LARP1: variants seen among roughly 807,000 people sequenced by gnomAD.
LARP1 encodes La ribonucleoprotein 1, translational regulator.
In LARP1, 36 loss-of-function variants were observed where a neutral mutation model predicts 122.7. The observed-to-expected ratio is 0.29, with a 90% CI of 0.22 to 0.39. LARP1 has a LOEUF of 0.39. Ranked by LOEUF, LARP1 falls within the 10% of genes least tolerant of loss-of-function variation. The pLI is 1.00. For synonymous variants in LARP1, 539 were observed against 528.7 expected (o/e 1.02, Z -0.27); for missense variants, 1,040 against 1,403.6 (o/e 0.74, Z 4.14).
At chr5:154,786,109 C>A (rs907773755) in intron 1 of LARP1, among the ~76,000 whole-genome samples, 1 of 152,098 alleles carries the variant, frequency 6.6e-6, no homozygotes, top group African/African-American at 2.4e-5. Context: ...GTGGCGCGAT[C>A]TCAGCTCACT....
At chr5:154,733,168 C>T (rs1055863508) in intron 1 of LARP1, among the ~76,000 whole-genome samples, 1 of 152,088 alleles carries the variant, frequency 6.6e-6, no homozygotes, top group African/African-American at 2.4e-5. Flanking sequence ...CTATAGCCAC[C>T]AGGAGAGTGG....
intron 1 of LARP1, among the ~76,000 whole-genome samples, chr5:154,778,839 A>G (rs1171517144): frequency 6.6e-6 from 1 of 152,244 alleles, no homozygotes; most frequent in African/African-American, 2.4e-5. Flanking sequence ...CAGTTCTAAC[A>G]AACTAAAAAT....
intron 1 of LARP1, among the ~76,000 whole-genome samples, chr5:154,716,131 T>G (rs943262771): frequency 2.0e-5 from 3 of 152,176 alleles, no homozygotes; most frequent in Non-Finnish European, 4.4e-5. Flanking sequence ...ATTTTTTGTT[T>G]CTTTTTGAGA....
chr5:154,800,720 T>G (rs2113826879), intron 10 of LARP1, among the ~76,000 whole-genome samples: 1 of 152,360 alleles, frequency 6.6e-6, no homozygotes, highest in Admixed American at 6.5e-5. Context: ...ACCTGCTCAC[T>G]GTCACCCACT....
intron 1 of LARP1, among the ~76,000 whole-genome samples, chr5:154,781,389 G>A (rs1756420224): frequency 6.6e-6 from 1 of 152,148 alleles, no homozygotes; most frequent in Non-Finnish European, 1.5e-5. Context: ...TCAGGAGATC[G>A]AGACCATCCT....
chr5:154,722,719 C>T (rs1025645056), intron 1 of LARP1, among the ~76,000 whole-genome samples: 7 of 138,580 alleles, frequency 5.1e-5, no homozygotes, highest in Non-Finnish European at 9.1e-5. Context: ...CTCACTCTAT[C>T]GCCCAGGCTG....
At chr5:154,748,665 T>G (rs970080482) in intron 1 of LARP1, among the ~76,000 whole-genome samples, 4 of 152,254 alleles carry the variant, frequency 2.6e-5, no homozygotes, top group Non-Finnish European at 5.9e-5. Flanking sequence ...TAGCATATAC[T>G]CTGCTATACA....
intron 1 of LARP1, among the ~76,000 whole-genome samples, chr5:154,764,115 C>T (rs973413705): frequency 6.6e-6 from 1 of 152,040 alleles, no homozygotes; most frequent in South Asian, 2.1e-4. Flanking sequence ...TCAAGACCAG[C>T]CTGGCCAACA....
At chr5:154,772,035 AAAAC>A (rs1755475771) in intron 1 of LARP1, among the ~76,000 whole-genome samples, 2 of 152,250 alleles carry the variant, frequency 1.3e-5, no homozygotes, top group Non-Finnish European at 2.9e-5. Context: ...AGCAAAAAGA[AAAAC>A]AACCCCTTGG....
chr5:154,736,420 G>A (rs927484962), intron 1 of LARP1, among the ~76,000 whole-genome samples: 1 of 151,370 alleles, frequency 6.6e-6, no homozygotes, highest in African/African-American at 2.4e-5. Context: ...TTGTAGAAAT[G>A]GGGTCTCACT....
Position 154,808,586 on chromosome 5 carries a change from C to T in LARP1, c.2826C>T (p.Asp942=), listed in dbSNP as rs759385864. 40 of 1,612,826 alleles carry T rather than the reference C, an allele frequency of 2.5e-5. No individual in the cohort carries two copies. The highest frequency in any genetic ancestry group is 1.7e-4 in the Middle Eastern group (1 of 5,908). Residue 942 remains aspartate (D), a synonymous_variant, in exon 16 of 19, where the codon GAC becomes GAT. Coordinates refer to ENST00000518297, the MANE Select transcript of LARP1 (RefSeq NM_033551.3). The part of the protein sequence containing the change: ...YEEFKQLALE[D]AKEGYRYGLE... ...AGTTCAAGCAGCTGGCTCTGGAGGA[C>T]GCCAAAGAAGGCTACAGGTGAGCAG...
chr5:154,706,705 CTAAAA>C (rs1754968069), intron 1 of LARP1, among the ~76,000 whole-genome samples: 1 of 150,364 alleles, frequency 6.7e-6, no homozygotes, highest in Non-Finnish European at 1.5e-5. Context: ...TCCCCTGAAC[CTAAAA>C]TAAAAGTTGG....
intron 1 of LARP1, among the ~76,000 whole-genome samples, chr5:154,775,025 A>C (rs1481873347): frequency 6.6e-6 from 1 of 152,162 alleles, no homozygotes; most frequent in Non-Finnish European, 1.5e-5. Context: ...GAAGAGGACT[A>C]GGGCTGGATA....
chr5:154,785,245 C>T (rs547639406), intron 1 of LARP1, among the ~76,000 whole-genome samples: 3 of 152,334 alleles, frequency 2.0e-5, no homozygotes, highest in South Asian at 2.1e-4. Context: ...CATGGATTAC[C>T]GCTCAGAAGA....
In LARP1 at chr5:154,805,822, C is replaced by T. The variant is rs1189549831; in HGVS notation, c.2547-59C>T. On this transcript the variant is annotated intron_variant, in intron 14 of 18. Coordinates refer to ENST00000518297, the MANE Select transcript of LARP1 (RefSeq NM_033551.3). ...ACAGAACGGATCAGAGGGACCCCTCCTGACATGGTGGGGCTGCTGTGGGGA... is the reference window on the plus strand; with the variant it reads ...ACAGAACGGATCAGAGGGACCCCTCTTGACATGGTGGGGCTGCTGTGGGGA... The T allele has an allele frequency of 5.7e-6, 9 of 1,575,964 alleles. No homozygotes were observed. The East Asian group carries it at 2.0e-4, about 35-fold the overall frequency.
intron 14 of LARP1, chr5:154,805,137 G>A (rs1044400595): frequency 1.1e-4 from 38 of 337,086 alleles, no homozygotes; most frequent in African/African-American, 8.0e-4. Flanking sequence ...ACAAACACTG[G>A]GGCCTACTTG....
Position 154,803,072 on chromosome 5 carries a change from G to T in LARP1, c.2110-218G>T, listed in dbSNP as rs1239648901. ...TGATCTCAGTCTTACTACAGGGAGG[G>T]CAGGGCAAGCACTGTCTTCTTCTGG... On this transcript the variant is annotated intron_variant, in intron 11 of 18. Transcript: ENST00000518297. This position sits in a 1 kb window ranked among gnomAD's most constrained non-coding sequence, Gnocchi z 4.4. Among the ~76,000 whole-genome samples the T allele has an allele frequency of 6.6e-6, 1 of 152,178 alleles. No homozygotes were observed. The highest frequency in any genetic ancestry group is 1.5e-5 in the Non-Finnish European group (1 of 68,034).
intron 1 of LARP1, among the ~76,000 whole-genome samples, chr5:154,759,576 G>A (rs755429149): frequency 4.6e-5 from 7 of 152,144 alleles, no homozygotes; most frequent in Admixed American, 2.0e-4. Flanking sequence ...GGAGTTGCAC[G>A]TGTGCTCTCA....
In LARP1 at chr5:154,802,970, G is replaced by C. The variant is rs769160958; in HGVS notation, c.2110-320G>C. ...CCAGCCACTGTGTGATAAGGCAGTA[G>C]CAGAAAGAGAGATGGGGAAACACTG... On this transcript the variant is annotated intron_variant, in intron 11 of 18. Transcript: ENST00000518297. The surrounding 1 kb of genome is among the most constrained non-coding windows in gnomAD (Gnocchi z 5.1). Among the ~76,000 whole-genome samples, 5 of 152,174 alleles carry C rather than the reference G, an allele frequency of 3.3e-5. No individual in the cohort carries two copies. Among genetic ancestry groups the C allele is most frequent in the Admixed American group, 6.5e-5 (1 of 15,290 alleles).
Sources: allele counts gnomAD v4.1 joint callset (sites outside exome capture counted in the v4.1 genomes callset), GRCh38; gene constraint gnomAD v4.1.1; non-coding constraint Gnocchi (gnomAD v3.1); transcripts MANE v1.5; gene names NCBI Gene and HGNC (gene_info 2026-07-23, HGNC 2026-07-21).